RIC1: variants seen among roughly 807,000 people sequenced by gnomAD.
The protein encoded by RIC1 is RIC1 partner of RAB6A GEF complex, also known as guanine nucleotide exchange factor subunit RIC1.
RIC1 carries 88 observed loss-of-function variants against 169.0 expected under a neutral mutation model. That is an observed-to-expected ratio of 0.52 (90% confidence interval 0.44 to 0.62). RIC1 has a LOEUF of 0.62. Ranked by LOEUF, RIC1 falls within the 20% of genes least tolerant of loss-of-function variation. The pLI, the probability that RIC1 is intolerant of heterozygous loss-of-function variation, is 0.00. For missense variants in RIC1, 1,877 were observed against 1,725.5 expected (o/e 1.09, Z -1.56); for synonymous variants, 790 against 601.5 (o/e 1.31, Z -4.59).
chr9:5,716,020 T>G (rs1259168962), intron 4 of RIC1, among the ~76,000 whole-genome samples: 1 of 151,934 alleles, frequency 6.6e-6, no homozygotes, highest in Non-Finnish European at 1.5e-5. Flanking sequence ...TTTTTGTACT[T>G]TATTGTAGAG....
At chr9:5,705,619 G>A (rs1053393416) in intron 3 of RIC1, among the ~76,000 whole-genome samples, 1 of 152,036 alleles carries the variant, frequency 6.6e-6, no homozygotes, top group East Asian at 1.9e-4. Context: ...TCTGTTGGAT[G>A]ACTTTTCTTT....
chr9:5,662,708 T>A (rs892831793), intron 2 of RIC1, among the ~76,000 whole-genome samples: 6 of 152,314 alleles, frequency 3.9e-5, no homozygotes, highest in African/African-American at 1.4e-4. Flanking sequence ...TCTGATTGTG[T>A]TTATTTAAAT....
chr9:5,702,411 A>G (rs1822277523), intron 3 of RIC1, among the ~76,000 whole-genome samples: 1 of 152,238 alleles, frequency 6.6e-6, no homozygotes, highest in South Asian at 2.1e-4. Flanking sequence ...CAGGAAACTT[A>G]CAGTCATGAC....
intron 1 of RIC1, among the ~76,000 whole-genome samples, chr9:5,642,803 A>G (rs1233377982): frequency 1.7e-5 from 2 of 115,520 alleles, no homozygotes; most frequent in Non-Finnish European, 3.4e-5. Context: ...TAGGTATTTT[A>G]CATCATAGTA....
chr9:5,728,650 C>A (rs574979795), intron 6 of RIC1, among the ~76,000 whole-genome samples: 2 of 152,182 alleles, frequency 1.3e-5, no homozygotes, highest in South Asian at 2.1e-4. Flanking sequence ...TGGAGCTGTT[C>A]CTATTTGGCC....
At chr9:5,747,226 T>A in intron 11 of RIC1, 76 bp from the exon 12 acceptor site, 1 of 1,100,708 alleles carries the variant, frequency 9.1e-7, no homozygotes, top group South Asian at 1.3e-5. Context: ...CGATGTGTTA[T>A]TTTTGCCTGC....
intron 3 of RIC1, among the ~76,000 whole-genome samples, chr9:5,692,364 C>T (rs1031882053): frequency 6.6e-6 from 1 of 152,010 alleles, no homozygotes. Flanking sequence ...ATATTTAATG[C>T]TTAGGTAAGC....
At chr9:5,701,144 CTG>C (rs1752764212) in intron 3 of RIC1, among the ~76,000 whole-genome samples, 1 of 152,184 alleles carries the variant, frequency 6.6e-6, no homozygotes, top group East Asian at 1.9e-4. Flanking sequence ...TGTGGTAAAA[CTG>C]TGGTATAGCT....
intron 3 of RIC1, among the ~76,000 whole-genome samples, chr9:5,710,117 C>T (rs372035617): frequency 3.6e-4 from 54 of 152,050 alleles, no homozygotes; most frequent in African/African-American, 1.1e-3. Flanking sequence ...CAAACTTGAG[C>T]GCTTAAGAAC....
chr9:5,729,977 C>G (rs996178224), intron 6 of RIC1, among the ~76,000 whole-genome samples: 2 of 151,700 alleles, frequency 1.3e-5, no homozygotes, highest in Non-Finnish European at 2.9e-5. Context: ...AGAGTTAGTA[C>G]AAAATATATT....
At chr9:5,751,334 T>C (rs1825711475) in intron 12 of RIC1, among the ~76,000 whole-genome samples, 2 of 151,808 alleles carry the variant, frequency 1.3e-5, no homozygotes, top group Admixed American at 6.6e-5. Flanking sequence ...GAACTAATTT[T>C]ACCCATCATA....
Position 5,719,444 on chromosome 9 carries a change from C to T in RIC1, c.441-738C>T, listed in dbSNP as rs143006155. 122 of 152,330 alleles carry T rather than the reference C, an allele frequency of 8.0e-4. 1 individual carries two copies. Among genetic ancestry groups the T allele is most frequent in the African/African-American group, 2.8e-3 (118 of 41,562 alleles). 9.4% of individuals were successfully genotyped at this position (152,330 alleles called of 1,614,324 possible). On this transcript the variant is annotated intron_variant, in intron 4 of 25. Transcript: ENST00000414202. Reference sequence around the variant, plus strand: ...TTTGATTTCTTGCCTGAGAAGTCCTCTGAAGACGGAGAATATTTTATTCAT... The same window carrying T: ...TTTGATTTCTTGCCTGAGAAGTCCTTTGAAGACGGAGAATATTTTATTCAT...
In RIC1 at chr9:5,762,527, T is replaced by C. The variant is rs1178818845; in HGVS notation, c.1993-14T>C. 7 of 1,612,666 alleles carry C rather than the reference T, an allele frequency of 4.3e-6. No homozygotes were observed. The South Asian group carries it at 7.7e-5, about 18-fold the overall frequency. On this transcript the variant is annotated splice_polypyrimidine_tract_variant and intron_variant, in intron 17 of 25. Coordinates refer to ENST00000414202, the MANE Select transcript of RIC1 (RefSeq NM_020829.4). ...ACAGAAGTATGAATTTAGCTGCTTT[T>C]TCTTAAATTTCAGGCTCGTGGTGCA... is the stretch of plus-strand genomic sequence containing the variant.
chr9:5,758,523 CT>C (rs1489865516), intron 17 of RIC1, among the ~76,000 whole-genome samples: 1 of 152,122 alleles, frequency 6.6e-6, no homozygotes. Context: ...GTTCTCTATT[CT>C]TTGTAGAAGA....
chr9:5,733,878 T>A (rs901738509), intron 7 of RIC1, among the ~76,000 whole-genome samples: 1 of 151,718 alleles, frequency 6.6e-6, no homozygotes, highest in African/African-American at 2.4e-5. Context: ...AAGCAAGTTA[T>A]GAGAATCCCT....
chr9:5,753,482 C>A, intron 13 of RIC1, 54 bp from the exon 14 acceptor site: 1 of 1,096,624 alleles, frequency 9.1e-7, no homozygotes, highest in Non-Finnish European at 1.4e-6. Context: ...CTCTTTATGC[C>A]TAATAAAGTA....
rs74768668 is a variant in RIC1 at position 5,635,803 on chromosome 9, G to T, written c.144+6350G>T. 9.7e-3 allele frequency among the ~76,000 whole-genome samples: 1,475 copies of T among 152,190 alleles called. 25 individuals are homozygous for T. Among genetic ancestry groups the T allele is most frequent in the African/African-American group, 0.034 (1,421 of 41,506 alleles). ...AAGTGTTTGACTGTTCCTTCTACAC[G>T]CTCTGTCTCTCTCTTGCCTGCCAGC... On this transcript the variant is annotated intron_variant, in intron 1 of 25. Coordinates refer to ENST00000414202, the MANE Select transcript of RIC1 (RefSeq NM_020829.4).
chr9:5,686,656 C>T (rs1445424559), intron 2 of RIC1, among the ~76,000 whole-genome samples: 4 of 150,440 alleles, frequency 2.7e-5, no homozygotes, highest in African/African-American at 9.8e-5. Flanking sequence ...AGGGATAGCA[C>T]TGGGAGATAT....
At position 5,763,017 on chromosome 9, in the gene RIC1, C is replaced by T; in HGVS notation, c.2113-123C>T. ...ATTAACTCTAATTCTAATTAGATCC[C>T]TTTGCTTTTCCCAAAAAAATATTAT... On this transcript the variant is annotated intron_variant, in intron 18 of 25. Coordinates refer to ENST00000414202, the MANE Select transcript of RIC1 (RefSeq NM_020829.4). This position sits in a 1 kb window ranked among gnomAD's most constrained non-coding sequence, Gnocchi z 5.2. The T allele has an allele frequency of 1.7e-6, 2 of 1,199,442 alleles. No individual in the cohort carries two copies. The highest frequency in any genetic ancestry group is 2.3e-6 in the Non-Finnish European group (2 of 875,626). The allele number at this position is 1,199,442 out of a possible 1,614,324, so 74.3% of individuals were successfully genotyped here.
Sources: allele counts gnomAD v4.1 joint callset (sites outside exome capture counted in the v4.1 genomes callset), GRCh38; gene constraint gnomAD v4.1.1; non-coding constraint Gnocchi (gnomAD v3.1); transcripts MANE v1.5; gene names NCBI Gene and HGNC (gene_info 2026-07-23, HGNC 2026-07-21).